The following NEXN variants were observed in gnomAD, a reference collection of about 807,000 sequenced individuals.
NEXN encodes nexilin.
Under a neutral mutation model 92.6 loss-of-function variants are expected in NEXN, and 65 were observed. The observed-to-expected ratio is 0.70, with a 90% CI of 0.57 to 0.86. The LOEUF (loss-of-function observed/expected upper bound fraction) is 0.86. Among genes scored for constraint, NEXN ranks in the 40% least tolerant of loss-of-function variants. The pLI, the probability that NEXN is intolerant of heterozygous loss-of-function variation, is 0.00. For missense variants in NEXN, 778 were observed against 771.1 expected (o/e 1.01, Z -0.11); for synonymous variants, 254 against 242.5 (o/e 1.05, Z -0.44).
intron 3 of NEXN, 71 bp from the exon 4 acceptor site, chr1:77,917,889 A>C: frequency 6.8e-7 from 1 of 1,465,612 alleles, no homozygotes; most frequent in Non-Finnish European, 9.5e-7. Flanking sequence ...AACCTAATTT[A>C]AACTCTGCAT....
intron 9 of NEXN, among the ~76,000 whole-genome samples, chr1:77,929,831 T>C (rs1464541974): frequency 6.6e-6 from 1 of 152,224 alleles, no homozygotes; most frequent in African/African-American, 2.4e-5. Context: ...TCAACTTTTC[T>C]TTCTTCCTCT....
intron 9 of NEXN, among the ~76,000 whole-genome samples, chr1:77,931,231 CAAAAAAAAAAAAAA>C (rs367898061): frequency 1.0e-4 from 12 of 120,568 alleles, no homozygotes; most frequent in African/African-American, 2.2e-4. Context: ...ACTAAAAATA[CAAAAAAAAAAAAAA>C]AAAAAAAAAA....
At chr1:77,908,086 T>C (rs1203500367) in intron 1 of NEXN, among the ~76,000 whole-genome samples, 1 of 150,872 alleles carries the variant, frequency 6.6e-6, no homozygotes, top group East Asian at 2.0e-4. Context: ...CCTGTCTCTA[T>C]TTTTTTTTAA....
Position 77,933,495 on chromosome 1 carries a change from A to G in NEXN, c.1251+16A>G, listed in dbSNP as rs1332778263. On this transcript the variant is annotated intron_variant, in intron 10 of 12. Transcript: ENST00000334785. ...AATGGGAGAGGTAAGATTTTAAGAA[A>G]TATCTATATTCCCCATATTTATTAA... 5 of 1,510,584 alleles carry G rather than the reference A, an allele frequency of 3.3e-6. No homozygotes were observed. The Admixed American group carries it at 6.7e-5, about 20-fold the overall frequency. The allele number at this position is 1,510,584 out of a possible 1,614,324, so 93.6% of individuals were successfully genotyped here.
intron 1 of NEXN, among the ~76,000 whole-genome samples, chr1:77,906,993 A>T (rs1426970762): frequency 1.3e-5 from 2 of 152,180 alleles, no homozygotes; most frequent in Non-Finnish European, 2.9e-5. Context: ...TTTACCTTGA[A>T]GTGTTGTTGT....
Position 77,894,949 on chromosome 1 carries a change from C to T in NEXN, c.-53+6190C>T, listed in dbSNP as rs528057984. ...CAGGCTGGTCTCGAACTCCTTAGCT[C>T]GGGCAATCCACCTGCCTCAGCCTCC... On this transcript the variant is annotated intron_variant, in intron 1 of 12. Coordinates refer to ENST00000334785, the MANE Select transcript of NEXN (RefSeq NM_144573.4). Among the ~76,000 whole-genome samples the T allele has an allele frequency of 6.0e-5, 9 of 150,424 alleles. No homozygotes were observed. The East Asian group carries it at 1.6e-3, about 26-fold the overall frequency.
chr1:77,913,236 G>A (rs569288102), intron 1 of NEXN, among the ~76,000 whole-genome samples: 1 of 152,034 alleles, frequency 6.6e-6, no homozygotes, highest in Non-Finnish European at 1.5e-5. Flanking sequence ...CCAATATAGC[G>A]AAACCCCATC....
At chr1:77,902,345 AC>A (rs1179506794) in intron 1 of NEXN, among the ~76,000 whole-genome samples, 1 of 152,148 alleles carries the variant, frequency 6.6e-6, no homozygotes, top group African/African-American at 2.4e-5. Context: ...TGTACATGTA[AC>A]TTTTCATTAC....
At position 77,943,150 on chromosome 1, in the gene NEXN, G is replaced by A; in HGVS notation, c.*321G>A. The A allele has an allele frequency of 5.8e-6, 2 of 344,466 alleles. No homozygotes were observed. Among genetic ancestry groups the A allele is most frequent in the Admixed American group, 4.0e-5 (1 of 24,944 alleles). The allele number at this position is 344,466 out of a possible 1,614,324, so 21.3% of individuals were successfully genotyped here. On this transcript the variant is annotated 3_prime_UTR_variant, in exon 13 of 13. Transcript: ENST00000334785. ...AGTCAATAAAATGTACTTATGGGGG[G>A]GAATTACTCAATTATTCTATCAGAA...
At chr1:77,935,758 G>A (rs1429775359) in intron 10 of NEXN, 65 bp from the exon 11 acceptor site, 17 of 1,466,596 alleles carry the variant, frequency 1.2e-5, no homozygotes, top group Non-Finnish European at 1.5e-5. Context: ...TTCAAGGCCA[G>A]CCTTGGCAAC....
chr1:77,940,552 T>G (rs180749431), intron 11 of NEXN, among the ~76,000 whole-genome samples: 3 of 152,210 alleles, frequency 2.0e-5, no homozygotes, highest in African/African-American at 7.2e-5. Flanking sequence ...GCTAAATGAA[T>G]AGTTATGAAT....
intron 1 of NEXN, among the ~76,000 whole-genome samples, chr1:77,908,345 G>C (rs527991470): frequency 4.4e-4 from 67 of 151,344 alleles, no homozygotes; most frequent in African/African-American, 1.6e-3. Flanking sequence ...AAAGTGTTGG[G>C]ATTACAGGTG....
chr1:77,901,144 C>T (rs1015227327), intron 1 of NEXN, among the ~76,000 whole-genome samples: 6 of 152,148 alleles, frequency 3.9e-5, no homozygotes, highest in Non-Finnish European at 8.8e-5. Flanking sequence ...CCCTGGGAGT[C>T]CTCAGTACCA....
At position 77,894,950 on chromosome 1, in the gene NEXN, G is replaced by A. The variant is rs540630000; in HGVS notation, c.-53+6191G>A. 9.3e-5 allele frequency among the ~76,000 whole-genome samples: 14 copies of A among 150,040 alleles called. No individual in the cohort carries two copies. The South Asian group carries it at 2.3e-3, about 25-fold the overall frequency. On this transcript the variant is annotated intron_variant, in intron 1 of 12. Transcript: ENST00000334785. ...AGGCTGGTCTCGAACTCCTTAGCTC[G>A]GGCAATCCACCTGCCTCAGCCTCCC...
At chr1:77,928,068 G>C (rs576609679) in intron 8 of NEXN, among the ~76,000 whole-genome samples, 222 of 152,118 alleles carry the variant, frequency 1.5e-3, no homozygotes, top group African/African-American at 5.2e-3. Context: ...CAGCACTTTG[G>C]AAGGCTGAGG....
chr1:77,897,751 G>C (rs1647349145), intron 1 of NEXN, among the ~76,000 whole-genome samples: 1 of 151,742 alleles, frequency 6.6e-6, no homozygotes, highest in African/African-American at 2.4e-5. Context: ...GATTGTATAT[G>C]TAGAAAACCC....
At chr1:77,913,902 C>A (rs1008754198) in intron 1 of NEXN, among the ~76,000 whole-genome samples, 1 of 151,918 alleles carries the variant, frequency 6.6e-6, no homozygotes, top group African/African-American at 2.4e-5. Context: ...TTATTCAGTG[C>A]TAAAAAGAAA....
In NEXN at chr1:77,918,136, G is replaced by A. The variant is rs763920452; in HGVS notation, c.310G>A (p.Gly104Ser). ...YVPKLTGTVK[G>S]RFAEMEKQRQ... The stretch of plus-strand genomic sequence containing the variant: ...TCATATATTTTTAGGAACTGTGAAG[G>A]GTAGATTTGCTGAAATGGAGAAACA... Residue 104 changes from glycine to serine, a missense_variant, in exon 5 of 13, where the codon GGT (glycine) becomes AGT (serine). Gly to Ser is a moderately conservative substitution (Grantham distance 56). Coordinates refer to ENST00000334785, the MANE Select transcript of NEXN (RefSeq NM_144573.4). The A allele has an allele frequency of 1.2e-6, 2 of 1,613,754 alleles. No homozygotes were observed. The highest frequency in any genetic ancestry group is 1.7e-6 in the Non-Finnish European group (2 of 1,179,940).
intron 1 of NEXN, among the ~76,000 whole-genome samples, chr1:77,899,318 C>A (rs2102043248): frequency 6.6e-6 from 1 of 152,004 alleles, no homozygotes; most frequent in Admixed American, 6.6e-5. Context: ...CCATGGAATA[C>A]TATGCAGCCA....
Sources: gnomAD v4.1 joint callset for allele counts (sites outside exome capture counted in the v4.1 genomes callset) on GRCh38, gnomAD v4.1.1 for gene constraint, MANE v1.5 for transcripts, NCBI Gene and HGNC (gene_info 2026-07-23, HGNC 2026-07-21) for gene names.